The following ETFB variants were observed in gnomAD, a reference collection of about 807,000 sequenced individuals.
ETFB encodes electron transfer flavoprotein subunit beta.
ETFB carries 20 observed loss-of-function variants against 25.6 expected under a neutral mutation model. That is an observed-to-expected ratio of 0.78 (90% confidence interval 0.55 to 1.14). ETFB has a LOEUF of 1.14. Ranked by LOEUF, ETFB falls within the 50% of genes most tolerant of loss-of-function variation. ETFB has a pLI of 0.00. For synonymous variants in ETFB, 142 were observed against 146.7 expected, an observed-to-expected ratio of 0.97 and a Z score of 0.23; for missense variants, 286 against 342.6, an observed-to-expected ratio of 0.83 and a Z score of 1.30.
chr19:51,360,995 C>T (rs1054834909), intron 1 of ETFB, among the ~76,000 whole-genome samples: 4 of 152,082 alleles, frequency 2.6e-5, no homozygotes, highest in African/African-American at 9.7e-5. Context: ...CCGTGTTAGC[C>T]AGGATGGTCT....
At chr19:51,365,277 T>C (rs1986327793) in intron 1 of ETFB, 1 of 152,256 alleles carries the variant, frequency 6.6e-6, no homozygotes, top group South Asian at 2.1e-4. Context: ...CTTGGAACGA[T>C]GCCTGCCACG....
At chr19:51,356,069 G>A (rs911533496) in intron 1 of ETFB, 12 of 151,536 alleles carry the variant, frequency 7.9e-5, no homozygotes, top group Non-Finnish European at 1.8e-4. Context: ...TTGTGCACAT[G>A]TATCCTAAAA....
chr19:51,363,115 T>C (rs1599847543), intron 1 of ETFB, among the ~76,000 whole-genome samples: 1 of 152,196 alleles, frequency 6.6e-6, no homozygotes, highest in East Asian at 1.9e-4. Context: ...CACAGGGACC[T>C]GGGGCCTGTG....
At chr19:51,355,643 A>G (rs1433342113) in intron 1 of ETFB, 8 of 152,118 alleles carry the variant, frequency 5.3e-5, no homozygotes, top group Admixed American at 2.6e-4. Flanking sequence ...ACATGCACAC[A>G]TATGTTTATT....
In ETFB at chr19:51,352,750, C is replaced by T. The variant is rs547981778; in HGVS notation, c.375+382G>A. On this transcript the variant is annotated intron_variant, in intron 3 of 5. Transcript: ENST00000309244. ...TCCAGTGATTCTCATGCCTCAGCCT[C>T]CCAAGTAGCTGGGATTACAGGCAGG... Among the ~76,000 whole-genome samples, 246 of 152,276 alleles carry T rather than the reference C, an allele frequency of 1.6e-3. 1 individual carries two copies. Among genetic ancestry groups the T allele is most frequent in the African/African-American group, 5.6e-3 (234 of 41,552 alleles).
intron 1 of ETFB, chr19:51,355,793 G>T (rs1986064775): frequency 6.6e-6 from 1 of 151,764 alleles, no homozygotes; most frequent in Non-Finnish European, 1.5e-5. Flanking sequence ...TCCTTTGTAG[G>T]GACATGGATG....
intron 3 of ETFB, among the ~76,000 whole-genome samples, chr19:51,352,445 A>T (rs1985952441): frequency 6.6e-6 from 1 of 152,048 alleles, no homozygotes; most frequent in Non-Finnish European, 1.5e-5. Flanking sequence ...AGGCAGACCC[A>T]GGCACTGTCC....
chr19:51,359,606 C>G (rs1306162807), intron 1 of ETFB, among the ~76,000 whole-genome samples: 1 of 152,154 alleles, frequency 6.6e-6, no homozygotes, highest in East Asian at 1.9e-4. Context: ...CGCACGCACA[C>G]ACACCTGAGG....
chr19:51,355,576 G>A (rs1986059543), intron 1 of ETFB: 1 of 152,140 alleles, frequency 6.6e-6, no homozygotes, highest in African/African-American at 2.4e-5. Flanking sequence ...ATTTGACCCA[G>A]CCATCCTATT....
intron 1 of ETFB, among the ~76,000 whole-genome samples, chr19:51,360,719 C>T (rs1986199678): frequency 6.6e-6 from 1 of 152,152 alleles, no homozygotes; most frequent in Non-Finnish European, 1.5e-5. Flanking sequence ...ATTTGTTGTC[C>T]ACTGCAGGCA....
chr19:51,350,677 G>T (rs182326571), intron 3 of ETFB, among the ~76,000 whole-genome samples: 2 of 152,152 alleles, frequency 1.3e-5, no homozygotes, highest in Non-Finnish European at 2.9e-5. Flanking sequence ...TAGAGACAGG[G>T]TTTCAACATG....
chr19:51,352,786 C>G (rs77937137), intron 3 of ETFB, among the ~76,000 whole-genome samples: 57 of 152,178 alleles, frequency 3.7e-4, no homozygotes, highest in African/African-American at 1.3e-3. Context: ...TGATACCACA[C>G]CCGGCTAATT....
At chr19:51,354,553 C>T in intron 1 of ETFB, 1 of 1,614,196 alleles carries the variant, frequency 6.2e-7, no homozygotes, top group Non-Finnish European at 8.5e-7. Context: ...CTTGATCATC[C>T]CTACTGTTGT....
In ETFB at chr19:51,366,347, C is replaced by G. The variant is rs749836128; in HGVS notation, c.-21G>C. 6.2e-7 allele frequency: 1 copy of G among 1,611,618 alleles called. No individual in the cohort carries two copies. The highest frequency in any genetic ancestry group is 1.7e-5 in the Admixed American group (1 of 59,940). On this transcript the variant is annotated 5_prime_UTR_variant, in exon 1 of 6. Coordinates refer to ENST00000309244, the MANE Select transcript of ETFB (RefSeq NM_001985.3). Reference sequence around the variant, plus strand: ...GCCATCTTCCCGCCGCAGCCACTTACAGGGTCAGCCCGCACCCTCAGCGGC... The same window carrying G: ...GCCATCTTCCCGCCGCAGCCACTTAGAGGGTCAGCCCGCACCCTCAGCGGC...
intron 1 of ETFB, chr19:51,361,715 T>TTG (rs1336161890): frequency 2.0e-5 from 3 of 147,138 alleles, no homozygotes; most frequent in African/African-American, 7.6e-5. Flanking sequence ...TTTTTTTTTT[T>TTG]TTTTTGTGAG....
intron 3 of ETFB, 46 bp downstream of exon 3, chr19:51,353,086 G>C (rs762508299): frequency 6.2e-7 from 1 of 1,610,558 alleles, no homozygotes; most frequent in East Asian, 2.2e-5. Context: ...CCCTCCTCCC[G>C]AGCAGGGATG....
chr19:51,350,836 G>A (rs968351123), intron 3 of ETFB, among the ~76,000 whole-genome samples: 1 of 152,174 alleles, frequency 6.6e-6, no homozygotes, highest in African/African-American at 2.4e-5. Flanking sequence ...CAGGTCATAC[G>A]GTCTCTGTCA....
chr19:51,356,058 G>C (rs1051461519), intron 1 of ETFB: 1 of 151,532 alleles, frequency 6.6e-6, no homozygotes, highest in Admixed American at 6.6e-5. Flanking sequence ...AAACCTGTAC[G>C]TTGTGCACAT....
At chr19:51,349,372 A>G (rs1880865378) in intron 4 of ETFB, among the ~76,000 whole-genome samples, 1 of 152,052 alleles carries the variant, frequency 6.6e-6, no homozygotes, top group South Asian at 2.1e-4. Context: ...GTGAAATAAA[A>G]TATAATTTTG....
Sources: allele counts gnomAD v4.1 joint callset (sites outside exome capture counted in the v4.1 genomes callset), GRCh38; gene constraint gnomAD v4.1.1; transcripts MANE v1.5; gene names NCBI Gene and HGNC (gene_info 2026-07-23, HGNC 2026-07-21).